The following SUPT3H variants were observed in gnomAD, a reference collection of about 807,000 sequenced individuals.
SUPT3H encodes the protein transcription initiation protein SPT3 homolog.
SUPT3H carries 44 observed loss-of-function variants against 44.3 expected under a neutral mutation model. That is an observed-to-expected ratio of 0.99 (90% CI 0.78 to 1.28). The LOEUF (loss-of-function observed/expected upper bound fraction) is 1.28, where lower values mean the gene tolerates loss of function less well. Ranked by LOEUF, SUPT3H falls within the 50% of genes most tolerant of loss-of-function variation. The probability of loss-of-function intolerance (pLI) is 0.00; values close to 1 mark genes in which losing one functional copy is unlikely to be tolerated. For missense variants in SUPT3H, 380 were observed against 387.1 expected (o/e 0.98, Z 0.15); for synonymous variants, 124 against 125.6 (o/e 0.99, Z 0.09).
chr6:44,930,464 G>T (rs1442934434), intron 10 of SUPT3H, among the ~76,000 whole-genome samples: 1 of 151,408 alleles, frequency 6.6e-6, no homozygotes, highest in African/African-American at 2.4e-5. Flanking sequence ...TCAGGAGGCT[G>T]AGGTAGGGAG....
At chr6:45,324,214 T>C (rs1385094562) in intron 2 of SUPT3H, among the ~76,000 whole-genome samples, 2 of 141,406 alleles carry the variant, frequency 1.4e-5, no homozygotes, top group African/African-American at 2.7e-5. Flanking sequence ...TATGGATCAC[T>C]CTGCACTTCA....
intron 3 of SUPT3H, among the ~76,000 whole-genome samples, chr6:45,052,269 G>C (rs1189838632): frequency 6.6e-6 from 1 of 152,096 alleles, no homozygotes; most frequent in Non-Finnish European, 1.5e-5. Flanking sequence ...TTTTTAAAAA[G>C]CCCATTTAAA....
intron 2 of SUPT3H, among the ~76,000 whole-genome samples, chr6:45,212,726 A>T (rs184094293): frequency 1.4e-3 from 219 of 152,318 alleles, no homozygotes; most frequent in Non-Finnish European, 2.5e-3. Context: ...TAGGTATCGA[A>T]TTCTACATAC....
chr6:45,057,273 G>T (rs758024181), intron 3 of SUPT3H, among the ~76,000 whole-genome samples: 4 of 151,866 alleles, frequency 2.6e-5, no homozygotes, highest in Non-Finnish European at 4.4e-5. Flanking sequence ...TCAGATAATG[G>T]TACCATATTT....
At chr6:45,155,999 C>A (rs1233421158) in intron 2 of SUPT3H, among the ~76,000 whole-genome samples, 2 of 152,050 alleles carry the variant, frequency 1.3e-5, no homozygotes, top group Non-Finnish European at 2.9e-5. Context: ...AAACTCATTA[C>A]CTCTTAGAGT....
At chr6:44,986,477 C>G (rs1337319752) in intron 6 of SUPT3H, among the ~76,000 whole-genome samples, 2 of 152,104 alleles carry the variant, frequency 1.3e-5, no homozygotes, top group African/African-American at 2.4e-5. Flanking sequence ...GAGGACACTA[C>G]AATTTATTGC....
At chr6:45,191,673 G>C (rs898253480) in intron 2 of SUPT3H, among the ~76,000 whole-genome samples, 1 of 91,384 alleles carries the variant, frequency 1.1e-5, no homozygotes, top group African/African-American at 5.8e-5. Context: ...AACATTAACT[G>C]CTCTAAAAAA....
intron 3 of SUPT3H, among the ~76,000 whole-genome samples, chr6:45,102,322 A>C (rs1165513597): frequency 6.6e-6 from 1 of 152,136 alleles, no homozygotes; most frequent in Non-Finnish European, 1.5e-5. Context: ...CAAGTTTAAG[A>C]GAGACACAAA....
chr6:44,911,901 G>C (rs994390178), intron 10 of SUPT3H, among the ~76,000 whole-genome samples: 3 of 152,168 alleles, frequency 2.0e-5, no homozygotes, highest in African/African-American at 7.2e-5. Context: ...CCTTATGCCA[G>C]AAACTATTGC....
intron 2 of SUPT3H, among the ~76,000 whole-genome samples, chr6:45,330,420 C>CA (rs1196225446): frequency 6.6e-6 from 1 of 151,846 alleles, no homozygotes; most frequent in African/African-American, 2.4e-5. Flanking sequence ...ACAGGGATAA[C>CA]AGAGATATCA....
At chr6:45,367,807 T>G (rs1795399569) in intron 1 of SUPT3H, among the ~76,000 whole-genome samples, 1 of 152,194 alleles carries the variant, frequency 6.6e-6, no homozygotes, top group Non-Finnish European at 1.5e-5. Context: ...CCAAACCTAG[T>G]TTATTATAAC....
At chr6:45,280,034 C>A (rs1204987358) in intron 2 of SUPT3H, among the ~76,000 whole-genome samples, 1 of 152,178 alleles carries the variant, frequency 6.6e-6, no homozygotes, top group African/African-American at 2.4e-5. Context: ...ATCCCCACAT[C>A]CAATCTCTTA....
intron 10 of SUPT3H, among the ~76,000 whole-genome samples, chr6:44,867,817 C>T (rs1165900070): frequency 6.6e-6 from 1 of 152,216 alleles, no homozygotes; most frequent in African/African-American, 2.4e-5. Context: ...CAGCAAGGCA[C>T]TCATTAAGCT....
chr6:45,014,019 C>T (rs1039698897), intron 5 of SUPT3H, among the ~76,000 whole-genome samples: 2 of 151,760 alleles, frequency 1.3e-5, no homozygotes, highest in Non-Finnish European at 2.9e-5. Context: ...ATGATTATTT[C>T]AAAAAAAATT....
intron 2 of SUPT3H, among the ~76,000 whole-genome samples, chr6:45,188,884 T>C (rs564975096): frequency 5.2e-4 from 79 of 152,320 alleles, no homozygotes; most frequent in African/African-American, 1.6e-3. Context: ...TTCTTTAAAA[T>C]AGGTAAAAAA....
At chr6:44,987,848 C>G (rs750737636) in intron 6 of SUPT3H, among the ~76,000 whole-genome samples, 9 of 151,846 alleles carry the variant, frequency 5.9e-5, no homozygotes, top group Non-Finnish European at 1.2e-4. Flanking sequence ...AATGAGTGAA[C>G]TAGGAATGAA....
intron 2 of SUPT3H, among the ~76,000 whole-genome samples, chr6:45,119,888 A>G (rs1346534810): frequency 6.6e-6 from 1 of 152,194 alleles, no homozygotes; most frequent in Non-Finnish European, 1.5e-5. Context: ...AAAAGGAAAA[A>G]AATGAGTCTG....
intron 10 of SUPT3H, among the ~76,000 whole-genome samples, chr6:44,915,786 C>A (rs560591348): frequency 6.6e-6 from 1 of 152,246 alleles, no homozygotes; most frequent in South Asian, 2.1e-4. Flanking sequence ...AAGCTCCTGA[C>A]CCCTCCCCAC....
At chr6:45,346,572 T>TTTTC (rs1378562907) in intron 2 of SUPT3H, among the ~76,000 whole-genome samples, 1 of 151,182 alleles carries the variant, frequency 6.6e-6, no homozygotes, top group Non-Finnish European at 1.5e-5. Flanking sequence ...CATTTCTTTT[T>TTTTC]TTTTTTTTTT....
Sources: allele counts gnomAD v4.1 joint callset (sites outside exome capture counted in the v4.1 genomes callset), GRCh38; gene constraint gnomAD v4.1.1; transcripts MANE v1.5; gene names NCBI Gene and HGNC (gene_info 2026-07-23, HGNC 2026-07-21).